The following KCNN2 variants were observed in gnomAD, a reference collection of about 807,000 sequenced individuals.
KCNN2 encodes the protein small conductance calcium-activated potassium channel protein 2.
In KCNN2, 24 loss-of-function variants were observed where a neutral mutation model predicts 55.5. The observed-to-expected ratio is 0.43, with a 90% CI of 0.31 to 0.61. The LOEUF (loss-of-function observed/expected upper bound fraction) is 0.61. Ranked by LOEUF, KCNN2 falls within the 20% of genes least tolerant of loss-of-function variation. The pLI is 0.08. For missense variants in KCNN2, 754 were observed against 853.6 expected (o/e 0.88, Z 1.45); for synonymous variants, 431 against 336.1 (o/e 1.28, Z -3.09).
chr5:114,367,670 A>T (rs986915285), intron 2 of KCNN2, among the ~76,000 whole-genome samples: 5 of 150,038 alleles, frequency 3.3e-5, no homozygotes, highest in African/African-American at 1.2e-4. Context: ...TTTTTACCCC[A>T]CCCCACAGTG....
intron 1 of KCNN2, among the ~76,000 whole-genome samples, chr5:114,085,279 A>C (rs887378071): frequency 6.6e-6 from 1 of 151,840 alleles, no homozygotes; most frequent in African/African-American, 2.4e-5. Flanking sequence ...TTTGATTTTA[A>C]TTGTATTGAA....
chr5:114,421,023 A>C (rs933598632), intron 3 of KCNN2, among the ~76,000 whole-genome samples: 8 of 152,214 alleles, frequency 5.3e-5, no homozygotes, highest in African/African-American at 1.9e-4. Context: ...CTTTGGCAAA[A>C]CAAGTTGATT....
At chr5:114,492,351 T>C (rs1041330723) in intron 6 of KCNN2, among the ~76,000 whole-genome samples, 10 of 152,194 alleles carry the variant, frequency 6.6e-5, no homozygotes, top group African/African-American at 9.6e-5. Flanking sequence ...ATTAAAACTA[T>C]ACTTTGTAAA....
At chr5:114,269,270 C>T (rs530946587) in intron 2 of KCNN2, among the ~76,000 whole-genome samples, 1 of 152,196 alleles carries the variant, frequency 6.6e-6, no homozygotes, top group South Asian at 2.1e-4. Flanking sequence ...AAAGCTAAGG[C>T]CTGCACATAA....
intron 5 of KCNN2, among the ~76,000 whole-genome samples, chr5:114,476,096 T>G (rs1303374978): frequency 6.6e-6 from 1 of 152,004 alleles, no homozygotes; most frequent in Non-Finnish European, 1.5e-5. Flanking sequence ...TGCAGGTTAG[T>G]TACATATGTA....
At chr5:114,480,493 C>T (rs1013624628) in intron 5 of KCNN2, among the ~76,000 whole-genome samples, 1 of 152,100 alleles carries the variant, frequency 6.6e-6, no homozygotes, top group African/African-American at 2.4e-5. Context: ...AGGGACTGCT[C>T]CCTAACTCAT....
intron 1 of KCNN2, among the ~76,000 whole-genome samples, chr5:114,088,154 G>T (rs1177602586): frequency 1.3e-5 from 2 of 151,922 alleles, no homozygotes; most frequent in African/African-American, 4.8e-5. Flanking sequence ...ATAAAATATA[G>T]ATTTATAGTT....
intron 2 of KCNN2, among the ~76,000 whole-genome samples, chr5:114,318,893 A>G (rs1756557226): frequency 6.6e-6 from 1 of 152,026 alleles, no homozygotes; most frequent in African/African-American, 2.4e-5. Context: ...TTCTCACTGA[A>G]CTATTTCAGT....
chr5:114,361,443 C>T (rs1009773576), upstream of KCNN2, among the ~76,000 whole-genome samples: 25 of 152,350 alleles, frequency 1.6e-4, no homozygotes, highest in African/African-American at 5.3e-4. Context: ...TCTCCCCACA[C>T]GCTGCTGCAC....
At chr5:114,368,356 T>G (rs1276478068) in intron 2 of KCNN2, among the ~76,000 whole-genome samples, 5 of 152,206 alleles carry the variant, frequency 3.3e-5, no homozygotes, top group Admixed American at 6.5e-5. Flanking sequence ...TAGAGTTGGC[T>G]TTTCAGAGAT....
intron 3 of KCNN2, among the ~76,000 whole-genome samples, chr5:114,434,637 G>T (rs371645661): frequency 6.6e-6 from 1 of 152,286 alleles, no homozygotes; most frequent in East Asian, 1.9e-4. Context: ...GTAGTGGTTA[G>T]CTGTGAGAAG....
chr5:114,392,570 G>C (rs1348908216), intron 2 of KCNN2, among the ~76,000 whole-genome samples: 1 of 152,154 alleles, frequency 6.6e-6, no homozygotes, highest in African/African-American at 2.4e-5. Flanking sequence ...TTTTGCTCAG[G>C]ATTGGTGAAT....
chr5:114,159,883 T>G (rs1340868534), intron 1 of KCNN2, among the ~76,000 whole-genome samples: 4 of 152,186 alleles, frequency 2.6e-5, no homozygotes, highest in Non-Finnish European at 5.9e-5. Context: ...GTCTATTTGA[T>G]TCTTCTCTCT....
intron 5 of KCNN2, among the ~76,000 whole-genome samples, chr5:114,478,384 G>A (rs1053573465): frequency 9.2e-5 from 14 of 152,042 alleles, no homozygotes; most frequent in Non-Finnish European, 1.2e-4. Flanking sequence ...AAACCTCCGA[G>A]AATATGGGAT....
chr5:114,401,180 A>G (rs1444385124), intron 2 of KCNN2, among the ~76,000 whole-genome samples: 1 of 152,002 alleles, frequency 6.6e-6, no homozygotes, highest in Admixed American at 6.5e-5. Context: ...TTTTTCCTCA[A>G]TTTCAGCATT....
intron 2 of KCNN2, among the ~76,000 whole-genome samples, chr5:114,289,019 T>A (rs1359521640): frequency 6.6e-6 from 1 of 152,188 alleles, no homozygotes; most frequent in Non-Finnish European, 1.5e-5. Flanking sequence ...TGCGTTAATT[T>A]GTGCAGATGG....
At chr5:114,302,957 G>C (rs915182436) in intron 2 of KCNN2, among the ~76,000 whole-genome samples, 3 of 152,204 alleles carry the variant, frequency 2.0e-5, no homozygotes, top group Admixed American at 6.5e-5. Context: ...GACCAGAAGA[G>C]GCTCCATAGA....
chr5:114,190,419 G>A (rs573845687), intron 1 of KCNN2, among the ~76,000 whole-genome samples: 3 of 152,074 alleles, frequency 2.0e-5, no homozygotes, highest in South Asian at 2.1e-4. Context: ...CTGACTCAGC[G>A]TAGATATAGC....
At chr5:114,062,068 G>T (rs1409180778) in intron 1 of KCNN2, among the ~76,000 whole-genome samples, 1 of 150,404 alleles carries the variant, frequency 6.6e-6, no homozygotes, top group Non-Finnish European at 1.5e-5. Context: ...ATTAAAATTT[G>T]CTTATGGTTA....
Sources: gnomAD v4.1 joint callset for allele counts (sites outside exome capture counted in the v4.1 genomes callset) on GRCh38, gnomAD v4.1.1 for gene constraint, MANE v1.5 for transcripts, NCBI Gene and HGNC (gene_info 2026-07-23, HGNC 2026-07-21) for gene names.